The following MGMT variants were observed in gnomAD, a reference collection of about 807,000 sequenced individuals.
MGMT encodes O-6-methylguanine-DNA methyltransferase, also known as methylated-DNA--protein-cysteine methyltransferase.
In MGMT, 14 loss-of-function variants were observed where a neutral mutation model predicts 15.9. The ratio of observed to expected loss-of-function variants is 0.88; its 90% confidence interval spans 0.58 to 1.37. MGMT has a LOEUF of 1.37. Among genes scored for constraint, MGMT ranks in the 40% most tolerant of loss-of-function variants. The pLI is 0.00. For synonymous variants in MGMT, 130 were observed against 118.2 expected, an observed-to-expected ratio of 1.10 and a Z score of -0.65; for missense variants, 282 against 268.1, an observed-to-expected ratio of 1.05 and a Z score of -0.36.
At chr10:129,493,090 C>G (rs1845485805) in intron 1 of MGMT, among the ~76,000 whole-genome samples, 1 of 152,154 alleles carries the variant, frequency 6.6e-6, no homozygotes, top group Non-Finnish European at 1.5e-5. Flanking sequence ...GACACGGGAC[C>G]TTGTTTGATG....
At position 129,648,700 on chromosome 10, in the gene MGMT, A is replaced by G. The variant is rs148294039; in HGVS notation, c.126-59195A>G. Among the ~76,000 whole-genome samples the G allele has an allele frequency of 7.7e-3, 1,173 of 151,888 alleles. 12 individuals carry two copies. The highest frequency in any genetic ancestry group is 0.013 in the Non-Finnish European group (855 of 67,920). Reference sequence around the variant, plus strand: ...TTTTCTTCTTGCAGTGTTCCAGGGGATAAAACTGTCCTTGTATCTGTATTT... The same window carrying G: ...TTTTCTTCTTGCAGTGTTCCAGGGGGTAAAACTGTCCTTGTATCTGTATTT... On this transcript the variant is annotated intron_variant, in intron 2 of 4. Transcript: ENST00000651593.
At chr10:129,704,212 C>T (rs763586408) in intron 2 of MGMT, among the ~76,000 whole-genome samples, 21 of 152,020 alleles carry the variant, frequency 1.4e-4, no homozygotes, top group Admixed American at 3.9e-4. Flanking sequence ...TTCTCCTTTC[C>T]GTGGCCAGAC....
chr10:129,577,395 A>G (rs1463870011), intron 2 of MGMT, among the ~76,000 whole-genome samples: 1 of 152,230 alleles, frequency 6.6e-6, no homozygotes, highest in African/African-American at 2.4e-5. Flanking sequence ...ATCTACAACT[A>G]TCTGATCATT....
At chr10:129,589,721 A>G (rs892618033) in intron 2 of MGMT, among the ~76,000 whole-genome samples, 1 of 152,226 alleles carries the variant, frequency 6.6e-6, no homozygotes, top group African/African-American at 2.4e-5. Flanking sequence ...GCTGCTGGAC[A>G]GGCAGACTCC....
At chr10:129,667,557 A>G (rs781652217) in intron 2 of MGMT, among the ~76,000 whole-genome samples, 2 of 152,100 alleles carry the variant, frequency 1.3e-5, no homozygotes, top group Non-Finnish European at 2.9e-5. Flanking sequence ...TGGAATTTTC[A>G]TTACTAATGA....
chr10:129,684,723 CTT>C (rs759303070), intron 2 of MGMT, among the ~76,000 whole-genome samples: 17 of 152,200 alleles, frequency 1.1e-4, no homozygotes, highest in Non-Finnish European at 2.5e-4. Context: ...TTCCCCAAGA[CTT>C]TTGTTATGCT....
At chr10:129,676,371 G>A (rs759943206) in intron 2 of MGMT, among the ~76,000 whole-genome samples, 14 of 152,226 alleles carry the variant, frequency 9.2e-5, no homozygotes, top group Non-Finnish European at 1.3e-4. Context: ...TGGCAACAGC[G>A]CTGGGGCCAT....
At position 129,768,462 on chromosome 10, in the gene MGMT, C is replaced by A. The variant is rs1324161959; in HGVS notation, c.*1465C>A. On this transcript the variant is annotated 3_prime_UTR_variant, in exon 5 of 5. Transcript: ENST00000651593. ...CCTGGCAGGCCTCAGGTGCCGCACG[C>A]CGCGTCACCGTCAGGACTCGCAGGC... Among the ~76,000 whole-genome samples, 2 of 152,254 alleles carry A rather than the reference C, an allele frequency of 1.3e-5. No individual in the cohort carries two copies. The highest frequency in any genetic ancestry group is 2.9e-5 in the Non-Finnish European group (2 of 68,048).
intron 2 of MGMT, among the ~76,000 whole-genome samples, chr10:129,543,378 A>T (rs1248240784): frequency 6.6e-6 from 1 of 152,130 alleles, no homozygotes; most frequent in African/African-American, 2.4e-5. Context: ...GGCAGGTCAG[A>T]GCTCCTCTCT....
chr10:129,603,023 C>T (rs1846843189), intron 2 of MGMT, among the ~76,000 whole-genome samples: 1 of 152,188 alleles, frequency 6.6e-6, no homozygotes. Context: ...GTCACAGTCT[C>T]TCCCAAAATT....
intron 2 of MGMT, among the ~76,000 whole-genome samples, chr10:129,555,298 C>T (rs768276536): frequency 6.6e-6 from 1 of 152,222 alleles, no homozygotes; most frequent in Non-Finnish European, 1.5e-5. Context: ...TCTGCCCGAG[C>T]GCTGTTCTCC....
rs137981522 is a variant in MGMT at position 129,707,989 on chromosome 10, G to A, written c.220G>A (p.Glu74Lys). Reference sequence around the variant, plus strand: ...GCTGAATGCCTATTTCCACCAGCCCGAGGCTATCGAAGAGTTCCCCGTGCC... The same window carrying A: ...GCTGAATGCCTATTTCCACCAGCCCAAGGCTATCGAAGAGTTCCCCGTGCC... Reference protein sequence around the residue: ...AWLNAYFHQPEAIEEFPVPAL... With the variant: ...AWLNAYFHQPKAIEEFPVPAL... The change falls in exon 3 of 5, where the codon GAG becomes AAG. Residue 74 changes from glutamate to lysine, a missense_variant. Coordinates refer to ENST00000651593, the MANE Select transcript of MGMT (RefSeq NM_002412.5). The A allele has an allele frequency of 2.1e-5, 34 of 1,613,694 alleles. No homozygotes were observed. Among genetic ancestry groups the A allele is most frequent in the African/African-American group, 5.3e-5 (4 of 74,902 alleles).
chr10:129,681,219 GCCC>G (rs1279235297), intron 2 of MGMT, among the ~76,000 whole-genome samples: 1 of 152,216 alleles, frequency 6.6e-6, no homozygotes, highest in East Asian at 1.9e-4. Flanking sequence ...CCACACGTGT[GCCC>G]CGCTGTGGCA....
chr10:129,618,602 G>A (rs2133073819), intron 2 of MGMT, among the ~76,000 whole-genome samples: 1 of 152,100 alleles, frequency 6.6e-6, no homozygotes. Context: ...TCACAGTTTT[G>A]AGTCTTGATC....
intron 2 of MGMT, among the ~76,000 whole-genome samples, chr10:129,705,764 G>A (rs191530013): frequency 6.6e-6 from 1 of 152,286 alleles, no homozygotes; most frequent in African/African-American, 2.4e-5. Context: ...GGTCCTCCTG[G>A]ACACCAGCGG....
At chr10:129,665,909 T>C (rs1380506723) in intron 2 of MGMT, among the ~76,000 whole-genome samples, 1 of 152,166 alleles carries the variant, frequency 6.6e-6, no homozygotes, top group Non-Finnish European at 1.5e-5. Context: ...ATTGATGAAA[T>C]TGGCTATGGA....
intron 1 of MGMT, among the ~76,000 whole-genome samples, chr10:129,519,058 C>T (rs1845775916): frequency 6.6e-6 from 1 of 152,120 alleles, no homozygotes; most frequent in Non-Finnish European, 1.5e-5. Context: ...AGAACCTCGA[C>T]TATGATGTCA....
chr10:129,472,505 T>C (rs1237502591), intron 1 of MGMT, among the ~76,000 whole-genome samples: 2 of 152,140 alleles, frequency 1.3e-5, no homozygotes, highest in African/African-American at 4.8e-5. Flanking sequence ...ATCTGTATTT[T>C]GCAGATCTGC....
intron 2 of MGMT, among the ~76,000 whole-genome samples, chr10:129,555,361 C>T (rs1487703072): frequency 6.6e-6 from 1 of 152,208 alleles, no homozygotes; most frequent in Non-Finnish European, 1.5e-5. Flanking sequence ...CCATGTCTAT[C>T]TTGCTGGCCT....
Sources: gnomAD v4.1 joint callset for allele counts (sites outside exome capture counted in the v4.1 genomes callset) on GRCh38, gnomAD v4.1.1 for gene constraint, MANE v1.5 for transcripts, NCBI Gene and HGNC (gene_info 2026-07-23, HGNC 2026-07-21) for gene names.